WDFY3: variants seen among roughly 807,000 people sequenced by gnomAD.
WDFY3 encodes WD repeat and FYVE domain-containing protein 3.
Under a neutral mutation model 409.6 loss-of-function variants are expected in WDFY3, and 66 were observed. The ratio of observed to expected loss-of-function variants is 0.16; its 90% CI spans 0.13 to 0.20. The LOEUF is 0.20. Ranked by LOEUF, WDFY3 falls within the 10% of genes least tolerant of loss-of-function variation. The probability of loss-of-function intolerance (pLI) is 1.00; values close to 1 mark genes in which losing one functional copy is unlikely to be tolerated. For missense variants in WDFY3, 3,031 were observed against 4,298.1 expected, an observed-to-expected ratio of 0.71 and a Z score of 8.24; for synonymous variants, 1,521 against 1,537.1, an observed-to-expected ratio of 0.99 and a Z score of 0.25.
rs550531023 is a variant in WDFY3 at position 84,712,167 on chromosome 4, T to G, written c.8042+992A>C. Among the ~76,000 whole-genome samples, 5 of 151,396 alleles carry G rather than the reference T, an allele frequency of 3.3e-5. No homozygotes were observed. In the South Asian group the frequency reaches 1.0e-3, roughly 32 times the overall value. Reference sequence around the variant, plus strand: ...GGAGAAACCCCTTCTCTACTAAAAATACAACAATTAGACAGGCATGGTAGC... The same window carrying G: ...GGAGAAACCCCTTCTCTACTAAAAAGACAACAATTAGACAGGCATGGTAGC... On this transcript the variant is annotated intron_variant, in intron 51 of 67. Transcript: ENST00000295888.
intron 36 of WDFY3, among the ~76,000 whole-genome samples, chr4:84,749,703 T>C (rs990640712): frequency 2.6e-5 from 4 of 152,192 alleles, no homozygotes; most frequent in African/African-American, 9.6e-5. Context: ...GGCACTGTGC[T>C]AAAAGTTGTG....
At chr4:84,723,268 T>C (rs193040704) in intron 46 of WDFY3, among the ~76,000 whole-genome samples, 17 of 152,350 alleles carry the variant, frequency 1.1e-4, no homozygotes, top group Admixed American at 3.9e-4. Context: ...TAGTAAGTCA[T>C]AGTCATCACA....
chr4:84,686,718 T>A (rs1728386108), intron 62 of WDFY3, among the ~76,000 whole-genome samples: 1 of 152,190 alleles, frequency 6.6e-6, no homozygotes, highest in East Asian at 1.9e-4. Flanking sequence ...GGTGGGTTCC[T>A]GTCGACTCCC....
intron 3 of WDFY3, among the ~76,000 whole-genome samples, chr4:84,884,647 C>T (rs1050387851): frequency 6.6e-6 from 1 of 152,008 alleles, no homozygotes; most frequent in African/African-American, 2.4e-5. Context: ...ACAATGATCA[C>T]GAAACTTGAA....
intron 5 of WDFY3, among the ~76,000 whole-genome samples, chr4:84,846,577 A>G (rs1003407556): frequency 2.7e-5 from 4 of 149,694 alleles, no homozygotes; most frequent in Non-Finnish European, 4.4e-5. Flanking sequence ...GCAAGTATAA[A>G]TAAGTTTTAG....
intron 6 of WDFY3, among the ~76,000 whole-genome samples, chr4:84,838,929 G>A (rs1756957118): frequency 6.6e-6 from 1 of 152,020 alleles, no homozygotes; most frequent in Non-Finnish European, 1.5e-5. Context: ...TCTACACATT[G>A]AGTCAGGACC....
chr4:84,922,800 C>T (rs12498637), intron 2 of WDFY3, among the ~76,000 whole-genome samples: 57,849 of 151,826 alleles, frequency 0.38, 11,286 homozygotes, highest in Admixed American at 0.46. Context: ...ATTGAGACTA[C>T]AGGTGTGCAC....
chr4:84,704,484 G>T, intron 54 of WDFY3, 40 bp from the exon 55 acceptor site: 1 of 1,456,610 alleles, frequency 6.9e-7, no homozygotes, highest in Non-Finnish European at 9.5e-7. Flanking sequence ...ACCAAAAGAA[G>T]AAATATGAAA....
chr4:84,809,933 T>C lies in WDFY3; in HGVS notation c.2299A>G (p.Lys767Glu). 1 of 1,614,130 alleles carries C rather than the reference T, an allele frequency of 6.2e-7. No individual in the cohort carries two copies. The highest frequency in any genetic ancestry group is 8.5e-7 in the Non-Finnish European group (1 of 1,179,988). Residue 767 changes from lysine (K) to glutamate (E), a missense_variant, in exon 14 of 68, where the codon AAA becomes GAA. By Grantham distance (56) the Lys-to-Glu change is moderately conservative. Around this residue, in one of 16 missense-constraint regions of WDFY3, gnomAD observed 1,322 missense variants for 1,697.9 expected, o/e 0.78. Coordinates refer to ENST00000295888, the MANE Select transcript of WDFY3 (RefSeq NM_014991.6). ...SVSPTLRHCS[K>E]LFIYLYKVAT... is the part of the protein sequence containing the mutation. ...ACTTTGTAAAGATAAATAAAAAGTT[T>C]ACTGCAGTGCCGTAACGTGGGTGAC... is the stretch of plus-strand genomic sequence containing the variant.
At chr4:84,965,605 A>G (rs1775540877) in intron 1 of WDFY3, 1 of 152,274 alleles carries the variant, frequency 6.6e-6, no homozygotes, top group South Asian at 2.1e-4. Context: ...TTGCGATGCC[A>G]CCACATCCCC....
intron 12 of WDFY3, among the ~76,000 whole-genome samples, chr4:84,819,289 A>G (rs1277686016): frequency 1.3e-5 from 2 of 152,094 alleles, no homozygotes; most frequent in African/African-American, 4.8e-5. Context: ...TATATTTTAA[A>G]TATGATGAAT....
At chr4:84,745,485 A>T (rs1372223833) in intron 36 of WDFY3, among the ~76,000 whole-genome samples, 3 of 152,196 alleles carry the variant, frequency 2.0e-5, no homozygotes, top group Non-Finnish European at 4.4e-5. Flanking sequence ...GGTCCTATTA[A>T]ATGTTTTAAG....
chr4:84,941,085 G>A (rs1204278671), intron 1 of WDFY3, among the ~76,000 whole-genome samples: 2 of 151,892 alleles, frequency 1.3e-5, no homozygotes, highest in Non-Finnish European at 2.9e-5. Context: ...AAGACTGAAT[G>A]CTTTCTCTTT....
chr4:84,693,004 C>G lies in WDFY3; in HGVS notation c.8930G>C (p.Arg2977Pro), dbSNP rs1729511295. The change falls in exon 59 of 68, where the codon CGA becomes CCA. Residue 2977 changes from arginine to proline, a missense_variant. Around this residue, in one of 16 missense-constraint regions of WDFY3, gnomAD observed 152 missense variants for 193.5 expected, o/e 0.79. Transcript: ENST00000295888. ...GTCTCCATTGAGTCGACTTCTCACT[C>G]GCTTTGGTGGATGAGGTTTTTTAAA... The part of the protein sequence containing the change: ...QLFKKPHPPK[R>P]VRSRLNGDNA... 2 of 1,611,076 alleles carry G rather than the reference C, an allele frequency of 1.2e-6. No individual in the cohort carries two copies. Among genetic ancestry groups the G allele is most frequent in the Non-Finnish European group, 1.7e-6 (2 of 1,179,430 alleles).
intron 12 of WDFY3, among the ~76,000 whole-genome samples, chr4:84,819,500 G>C (rs868493516): frequency 1.1e-4 from 16 of 152,004 alleles, no homozygotes; most frequent in African/African-American, 3.1e-4. Context: ...AGAGTTGTTT[G>C]ATGTTAATTA....
At chr4:84,767,196 T>C (rs749004228) in intron 30 of WDFY3, among the ~76,000 whole-genome samples, 1 of 152,208 alleles carries the variant, frequency 6.6e-6, no homozygotes, top group African/African-American at 2.4e-5. Context: ...TTTTTCATTA[T>C]TGTAATATCT....
chr4:84,918,637 C>A (rs1318833599), intron 2 of WDFY3, among the ~76,000 whole-genome samples: 1 of 151,368 alleles, frequency 6.6e-6, no homozygotes, highest in South Asian at 2.1e-4. Flanking sequence ...CTCGTTTAGA[C>A]CAAATGAGTA....
intron 56 of WDFY3, among the ~76,000 whole-genome samples, chr4:84,701,667 C>T (rs1731090984): frequency 6.6e-6 from 1 of 152,162 alleles, no homozygotes; most frequent in African/African-American, 2.4e-5. Context: ...TAACCAAAGT[C>T]AAATCCACTT....
At chr4:84,964,215 C>T (rs1299072469) in intron 1 of WDFY3, among the ~76,000 whole-genome samples, 1 of 152,138 alleles carries the variant, frequency 6.6e-6, no homozygotes, top group African/African-American at 2.4e-5. Context: ...CATCTGTAAT[C>T]CCAGCACTTA....
Sources: gnomAD v4.1 joint callset for allele counts (sites outside exome capture counted in the v4.1 genomes callset) on GRCh38, gnomAD v4.1.1 for gene constraint, gnomAD v4.1.1 regional missense constraint, MANE v1.5 for transcripts, NCBI Gene and HGNC (gene_info 2026-07-23, HGNC 2026-07-21) for gene names.